AK9: variants seen among roughly 807,000 people sequenced by gnomAD.
AK9 encodes adenylate kinase 9.
Under a neutral mutation model 239.6 loss-of-function variants are expected in AK9, and 191 were observed. That is an observed-to-expected ratio of 0.80 (90% CI 0.71 to 0.90). The LOEUF (loss-of-function observed/expected upper bound fraction) is 0.90. Ranked by LOEUF, AK9 falls within the 40% of genes least tolerant of loss-of-function variation. The pLI, the probability that AK9 is intolerant of heterozygous loss-of-function variation, is 0.00. For synonymous variants in AK9, 689 were observed against 721.0 expected (o/e 0.96, Z 0.71); for missense variants, 1,995 against 2,214.7 (o/e 0.90, Z 1.99).
intron 3 of AK9, among the ~76,000 whole-genome samples, chr6:109,673,088 G>A (rs376860727): frequency 9.9e-5 from 15 of 152,250 alleles, no homozygotes; most frequent in African/African-American, 3.4e-4. Context: ...ATGACCCAGG[G>A]GAGGACCCAG....
intron 28 of AK9, among the ~76,000 whole-genome samples, chr6:109,529,640 G>C (rs185053713): frequency 5.9e-5 from 9 of 152,210 alleles, no homozygotes; most frequent in Non-Finnish European, 1.3e-4. Flanking sequence ...ATCAGTGGGG[G>C]CCCTAAACTT....
chr6:109,493,597 AAT>A, intron 40 of AK9, 26 bp from the exon 41 acceptor site: 1 of 1,583,916 alleles, frequency 6.3e-7, no homozygotes, highest in Non-Finnish European at 8.7e-7. Flanking sequence ...CAGAACTGTG[AAT>A]AATTTCTGCT....
chr6:109,647,849 C>T (rs1441507756), intron 8 of AK9, among the ~76,000 whole-genome samples: 1 of 152,176 alleles, frequency 6.6e-6, no homozygotes, highest in Admixed American at 6.5e-5. Flanking sequence ...GTAAAGAACT[C>T]CTCAGCAAAT....
chr6:109,606,580 G>C (rs1792912349), intron 17 of AK9, among the ~76,000 whole-genome samples: 1 of 152,164 alleles, frequency 6.6e-6, no homozygotes, highest in South Asian at 2.1e-4. Flanking sequence ...CAGAGTGGCA[G>C]GTTTGACACA....
intron 17 of AK9, among the ~76,000 whole-genome samples, chr6:109,595,268 C>T (rs1387342400): frequency 2.0e-5 from 3 of 152,216 alleles, no homozygotes; most frequent in Non-Finnish European, 4.4e-5. Context: ...CTTGTCATTA[C>T]TGGTCATTAG....
chr6:109,618,979 A>C, intron 13 of AK9, 113 bp downstream of exon 13: 1 of 1,173,822 alleles, frequency 8.5e-7, no homozygotes, highest in Non-Finnish European at 1.2e-6. Flanking sequence ...AAGAGTCTAT[A>C]ATGTGTAAAG....
intron 12 of AK9, among the ~76,000 whole-genome samples, chr6:109,623,882 C>T (rs1412492380): frequency 2.0e-5 from 3 of 147,490 alleles, no homozygotes; most frequent in Non-Finnish European, 4.4e-5. Flanking sequence ...CACACACACA[C>T]ACACACACAC....
At chr6:109,560,679 G>A in intron 24 of AK9, among the ~76,000 whole-genome samples, 1 of 152,068 alleles carries the variant, frequency 6.6e-6, no homozygotes, top group East Asian at 1.9e-4. Flanking sequence ...ATTTTGTTAA[G>A]AATGTCTATA....
At chr6:109,500,032 G>GACACACAC (rs1385241254) in intron 35 of AK9, among the ~76,000 whole-genome samples, 5 of 76,386 alleles carry the variant, frequency 6.5e-5, no homozygotes, top group African/African-American at 2.1e-4. Context: ...CTATATATAT[G>GACACACAC]ATACACACAC....
intron 28 of AK9, among the ~76,000 whole-genome samples, chr6:109,530,879 C>T (rs1418142248): frequency 6.6e-6 from 1 of 152,002 alleles, no homozygotes; most frequent in African/African-American, 2.4e-5. Flanking sequence ...CCCGTCTATA[C>T]TAAAAATACA....
At chr6:109,552,923 G>A (rs974454130) in intron 24 of AK9, among the ~76,000 whole-genome samples, 20 of 152,034 alleles carry the variant, frequency 1.3e-4, no homozygotes, top group Admixed American at 1.1e-3. Context: ...TTCTGCATAC[G>A]GCTAGCCAGT....
chr6:109,502,272 A>G (rs766028600), intron 35 of AK9, among the ~76,000 whole-genome samples: 7 of 152,148 alleles, frequency 4.6e-5, no homozygotes, highest in Admixed American at 6.5e-5. Context: ...ATATTGAAGT[A>G]CCCCCAGTAC....
chr6:109,584,277 C>T (rs914937464), intron 19 of AK9, among the ~76,000 whole-genome samples: 7 of 151,966 alleles, frequency 4.6e-5, no homozygotes, highest in African/African-American at 1.7e-4. Flanking sequence ...TTAAAGAGCT[C>T]TCCTAAGTCT....
At chr6:109,519,184 A>G (rs1288298620) in intron 29 of AK9, among the ~76,000 whole-genome samples, 1 of 152,184 alleles carries the variant, frequency 6.6e-6, no homozygotes, top group Admixed American at 6.5e-5. Flanking sequence ...GGTATTATAC[A>G]TATGTAGCAC....
At chr6:109,668,073 A>G (rs1052124026) in intron 5 of AK9, among the ~76,000 whole-genome samples, 4 of 152,102 alleles carry the variant, frequency 2.6e-5, no homozygotes, top group African/African-American at 9.7e-5. Context: ...TTGTTTCCTG[A>G]CTTTTTAATG....
At chr6:109,592,006 C>G (rs1340642360) in intron 17 of AK9, among the ~76,000 whole-genome samples, 1 of 152,094 alleles carries the variant, frequency 6.6e-6, no homozygotes, top group Non-Finnish European at 1.5e-5. Context: ...GAACTAACAT[C>G]AGAATCATCT....
chr6:109,674,316 A>G, intron 2 of AK9, 55 bp from the exon 3 acceptor site: 1 of 1,239,554 alleles, frequency 8.1e-7, no homozygotes, highest in Non-Finnish European at 1.1e-6. Flanking sequence ...TGCCAGTGAC[A>G]CAGATACAGC....
intron 24 of AK9, among the ~76,000 whole-genome samples, chr6:109,555,736 G>A (rs1260438777): frequency 6.6e-6 from 1 of 152,154 alleles, no homozygotes; most frequent in East Asian, 1.9e-4. Context: ...TCTTCTTGTT[G>A]AATTGTTCCC....
intron 12 of AK9, among the ~76,000 whole-genome samples, chr6:109,621,159 C>T (rs1003630713): frequency 6.8e-5 from 9 of 131,748 alleles, no homozygotes; most frequent in Non-Finnish European, 1.1e-4. Context: ...CATCACTGGC[C>T]ATCAGAGAAA....
Sources: allele counts gnomAD v4.1 joint callset (sites outside exome capture counted in the v4.1 genomes callset), GRCh38; gene constraint gnomAD v4.1.1; transcripts MANE v1.5; gene names NCBI Gene and HGNC (gene_info 2026-07-23, HGNC 2026-07-21).